SGTB: variants seen among roughly 807,000 people sequenced by gnomAD.
SGTB encodes the protein small glutamine rich tetratricopeptide repeat co-chaperone beta, also known as small glutamine-rich tetratricopeptide repeat-containing protein beta.
A neutral mutation model predicts 43.9 loss-of-function variants in SGTB; 19 were observed. That is an observed-to-expected ratio of 0.43 (90% CI 0.30 to 0.63). SGTB has a LOEUF of 0.63. SGTB is among the 30% of genes least tolerant of loss of function. SGTB has a pLI of 0.12. For missense variants in SGTB, 304 were observed against 358.9 expected, an observed-to-expected ratio of 0.85 and a Z score of 1.24; for synonymous variants, 116 against 117.3, an observed-to-expected ratio of 0.99 and a Z score of 0.07.
At chr5:65,709,343 A>G (rs1758000339) in intron 3 of SGTB, among the ~76,000 whole-genome samples, 1 of 152,128 alleles carries the variant, frequency 6.6e-6, no homozygotes, top group Non-Finnish European at 1.5e-5. Flanking sequence ...GTGTATCAGA[A>G]GTAAAATTTT....
intron 8 of SGTB, among the ~76,000 whole-genome samples, chr5:65,675,113 C>G (rs1347072034): frequency 6.6e-6 from 1 of 152,162 alleles, no homozygotes; most frequent in Non-Finnish European, 1.5e-5. Flanking sequence ...TTGATATGCC[C>G]TGGTAACATC....
rs1337885971 is a variant in SGTB, at chr5:65,669,244, CTT to C, written c.*1000_*1001del. 1 of 152,074 alleles carries C rather than the reference CTT, an allele frequency of 6.6e-6. No homozygotes were observed. The highest frequency in any genetic ancestry group is 2.4e-5 in the African/African-American group (1 of 41,396). The allele number at this position is 152,074 out of a possible 1,614,324, so 9.4% of individuals were successfully genotyped here. On this transcript the variant is annotated 3_prime_UTR_variant, in exon 11 of 11. Coordinates refer to ENST00000381007, the MANE Select transcript of SGTB (RefSeq NM_019072.3). ...GAACAAGCAATGTTAGTGATAGATG[CTT>C]TTTGTTATCCATCAAATAATTACTA...
intron 6 of SGTB, among the ~76,000 whole-genome samples, chr5:65,683,332 A>C (rs1365390881): frequency 6.6e-6 from 1 of 152,244 alleles, no homozygotes; most frequent in African/African-American, 2.4e-5. Context: ...ACACATTTTC[A>C]CTAATTGTGC....
intron 5 of SGTB, among the ~76,000 whole-genome samples, chr5:65,689,198 C>T (rs1332846702): frequency 2.6e-5 from 4 of 152,154 alleles, no homozygotes; most frequent in Admixed American, 2.6e-4. Flanking sequence ...TCTACAGGTA[C>T]ACATAACATT....
intron 4 of SGTB, 55 bp from the exon 5 acceptor site, chr5:65,704,433 A>G: frequency 8.0e-7 from 1 of 1,247,076 alleles, no homozygotes; most frequent in South Asian, 1.4e-5. Context: ...AAAAACATAC[A>G]CTCTTATAGA....
intron 5 of SGTB, among the ~76,000 whole-genome samples, chr5:65,695,036 A>AAG (rs1757692504): frequency 6.6e-6 from 1 of 151,998 alleles, no homozygotes; most frequent in East Asian, 1.9e-4. Context: ...GAACTACTGA[A>AAG]AGCAAGCATT....
At chr5:65,705,240 C>T (rs557225126) in intron 4 of SGTB, among the ~76,000 whole-genome samples, 2 of 101,232 alleles carry the variant, frequency 2.0e-5, no homozygotes, top group African/African-American at 2.7e-5. Context: ...GCCAGGAGTT[C>T]GAGTCCAGCC....
In SGTB at chr5:65,685,379, A is replaced by G. The variant is rs1337463543; in HGVS notation, c.468T>C (p.Tyr156=). ...CTCCCAGAACTTACCCCATTCTCCC[A>G]TAGGCCTTGCTGTACTTTGAATCAA... ...IAIDSKYSKA[Y]GRMGLALTAL... The change falls in exon 6 of 11, where the codon TAT becomes TAC. Residue 156 remains tyrosine, a synonymous_variant. Coordinates refer to ENST00000381007, the MANE Select transcript of SGTB (RefSeq NM_019072.3). The G allele has an allele frequency of 1.2e-6, 2 of 1,614,116 alleles. No homozygotes were observed. The highest frequency in any genetic ancestry group is 1.1e-5 in the South Asian group (1 of 91,084).
At chr5:65,722,455 C>CG, upstream of SGTB, 1 of 1,541,084 alleles carries the variant, frequency 6.5e-7, no homozygotes, top group Non-Finnish European at 8.8e-7. Context: ...GTGGGCAGGG[C>CG]GGGGTCTTTC....
chr5:65,681,964 A>C (rs1757406505), intron 6 of SGTB, among the ~76,000 whole-genome samples: 1 of 149,986 alleles, frequency 6.7e-6, no homozygotes, highest in Non-Finnish European at 1.5e-5. Context: ...AACAAGAGCG[A>C]AATTCCATCT....
At chr5:65,691,612 A>T (rs1363075612) in intron 5 of SGTB, among the ~76,000 whole-genome samples, 4 of 143,808 alleles carry the variant, frequency 2.8e-5, no homozygotes, top group African/African-American at 1.0e-4. Flanking sequence ...ACAGGCGGTG[A>T]GCCACTGTGC....
At chr5:65,718,824 A>G (rs546133315) in intron 2 of SGTB, among the ~76,000 whole-genome samples, 2 of 151,610 alleles carry the variant, frequency 1.3e-5, no homozygotes, top group East Asian at 3.9e-4. Context: ...GCTGAATACC[A>G]TCCTAAAAAT....
intron 2 of SGTB, among the ~76,000 whole-genome samples, chr5:65,719,645 T>C (rs1230093890): frequency 6.6e-6 from 1 of 152,118 alleles, no homozygotes; most frequent in African/African-American, 2.4e-5. Context: ...GGACACCAGA[T>C]TCACTGAACC....
chr5:65,676,309 T>C (rs907653841), intron 8 of SGTB, among the ~76,000 whole-genome samples: 4 of 151,570 alleles, frequency 2.6e-5, no homozygotes, highest in African/African-American at 9.7e-5. Context: ...AGAGCAAGAC[T>C]CTGTCTCAAG....
At chr5:65,716,741 A>G (rs536974491) in intron 2 of SGTB, among the ~76,000 whole-genome samples, 2 of 152,262 alleles carry the variant, frequency 1.3e-5, no homozygotes, top group East Asian at 1.9e-4. Context: ...TAGACATGCA[A>G]GTGGAGATAT....
intron 8 of SGTB, among the ~76,000 whole-genome samples, chr5:65,678,451 C>T (rs546471073): frequency 5.5e-4 from 84 of 152,172 alleles, no homozygotes; most frequent in Non-Finnish European, 6.9e-4. Flanking sequence ...AATGCTATTC[C>T]CATTAAACTA....
rs543272941 is a variant in SGTB at position 65,672,155 on chromosome 5, T to C, written c.719+89A>G. On this transcript the variant is annotated intron_variant, in intron 9 of 10. Transcript: ENST00000381007. ...CCAACTGACTGTCATTCAGAACAGT[T>C]TCATCATTTTTGAGCTGATGTGCTC... 7 of 1,595,010 alleles carry C rather than the reference T, an allele frequency of 4.4e-6. No homozygotes were observed. The African/African-American group carries it at 9.4e-5, about 21-fold the overall frequency.
chr5:65,683,323 C>T lies in SGTB; in HGVS notation c.479+2045G>A, dbSNP rs141069439. Reference sequence around the variant, plus strand: ...AGTTGAGATCGAGAGCATCAGAAGACACATTTTCACTAATTGTGCATGTAC... The same window carrying T: ...AGTTGAGATCGAGAGCATCAGAAGATACATTTTCACTAATTGTGCATGTAC... On this transcript the variant is annotated intron_variant, in intron 6 of 10. Coordinates refer to ENST00000381007, the MANE Select transcript of SGTB (RefSeq NM_019072.3). Among the ~76,000 whole-genome samples, 40 of 152,236 alleles carry T rather than the reference C, an allele frequency of 2.6e-4. 2 individuals are homozygous for T. The East Asian group carries it at 7.7e-3, about 29-fold the overall frequency.
chr5:65,721,713 A>C (rs537767789), intron 1 of SGTB, among the ~76,000 whole-genome samples: 43 of 152,254 alleles, frequency 2.8e-4, no homozygotes, highest in South Asian at 6.2e-4. Context: ...GAAGGTAAAA[A>C]CAGAATGGGG....
Sources: allele counts gnomAD v4.1 joint callset (sites outside exome capture counted in the v4.1 genomes callset), GRCh38; gene constraint gnomAD v4.1.1; transcripts MANE v1.5; gene names NCBI Gene and HGNC (gene_info 2026-07-23, HGNC 2026-07-21).